The following CD47 variants were observed in gnomAD, a reference collection of about 807,000 sequenced individuals.
The protein encoded by CD47 is CD47 molecule.
Under a neutral mutation model 44.6 loss-of-function variants are expected in CD47, and 11 were observed. That is an observed-to-expected ratio of 0.25 (90% confidence interval 0.16 to 0.41). The LOEUF (loss-of-function observed/expected upper bound fraction) is 0.41. Among genes scored for constraint, CD47 ranks in the 10% least tolerant of loss-of-function variants. The probability of loss-of-function intolerance (pLI) is 1.00; values close to 1 mark genes in which losing one functional copy is unlikely to be tolerated. For synonymous variants in CD47, 140 were observed against 136.3 expected (o/e 1.03, Z -0.19); for missense variants, 306 against 386.7 (o/e 0.79, Z 1.75).
intron 2 of CD47, among the ~76,000 whole-genome samples, chr3:108,077,773 G>A (rs1222452100): frequency 6.6e-6 from 1 of 152,000 alleles, no homozygotes; most frequent in Non-Finnish European, 1.5e-5. Flanking sequence ...AGATCTCAAG[G>A]GCATTGTGCT....
intron 3 of CD47, among the ~76,000 whole-genome samples, chr3:108,065,204 CT>C (rs1253648280): frequency 1.3e-5 from 2 of 152,182 alleles, no homozygotes; most frequent in Non-Finnish European, 2.9e-5. Flanking sequence ...AGAGTCCAGG[CT>C]TTGTGCATCA....
At chr3:108,079,496 C>T (rs71321251) in intron 2 of CD47, among the ~76,000 whole-genome samples, 245 of 148,546 alleles carry the variant, frequency 1.6e-3, no homozygotes, top group Admixed American at 4.6e-3. Context: ...GATTTAATCT[C>T]CTGACTCTCC....
rs1056927070 is a variant in CD47 at position 108,046,492 on chromosome 3, T to C, written c.*796A>G. The C allele has an allele frequency of 3.3e-5, 5 of 152,678 alleles. No homozygotes were observed. The highest frequency in any genetic ancestry group is 4.1e-4 in the South Asian group (2 of 4,828). The allele number at this position is 152,678 out of a possible 1,614,324, so 9.5% of individuals were successfully genotyped here. ...CCTGCAACTGGTGCTACCGTGTCAC[T>C]AGACCATGTTCAAAGAGGAGAAAAG... is the stretch of plus-strand genomic sequence containing the variant. On this transcript the variant is annotated 3_prime_UTR_variant, in exon 11 of 11. Transcript: ENST00000361309.
At chr3:108,062,173 T>C (rs1206038444) in intron 3 of CD47, among the ~76,000 whole-genome samples, 1 of 152,162 alleles carries the variant, frequency 6.6e-6, no homozygotes. Context: ...GAAAACATCC[T>C]ATGGCAAGTT....
intron 10 of CD47, among the ~76,000 whole-genome samples, chr3:108,048,653 G>C (rs2078765807): frequency 6.6e-6 from 1 of 151,874 alleles, no homozygotes; most frequent in Non-Finnish European, 1.5e-5. Context: ...CAAAGTGCTG[G>C]GATTACAGGC....
chr3:108,077,121 A>G (rs906611305), intron 2 of CD47, among the ~76,000 whole-genome samples: 2 of 152,142 alleles, frequency 1.3e-5, no homozygotes, highest in African/African-American at 4.8e-5. Context: ...AATGGTCACT[A>G]TTATCTGCAT....
At chr3:108,082,252 TTGAC>T (rs1324165437) in intron 1 of CD47, among the ~76,000 whole-genome samples, 2 of 151,976 alleles carry the variant, frequency 1.3e-5, no homozygotes, top group African/African-American at 4.8e-5. Context: ...TTCACTGACT[TTGAC>T]TGGGCTGTTT....
At chr3:108,057,088 G>A (rs2078924784) in intron 7 of CD47, among the ~76,000 whole-genome samples, 1 of 152,058 alleles carries the variant, frequency 6.6e-6, no homozygotes, top group African/African-American at 2.4e-5. Context: ...CAGAAACACT[G>A]GAACAATTAA....
At position 108,090,928 on chromosome 3, in the gene CD47, T is replaced by TCGCCGC. The variant is rs777402280; in HGVS notation, c.-26_-21dup. 4.1e-6 allele frequency: 6 copies of TCGCCGC among 1,446,148 alleles called. No homozygotes were observed. The highest frequency in any genetic ancestry group is 4.6e-5 in the Admixed American group (2 of 43,280). 89.6% of individuals were successfully genotyped at this position (1,446,148 alleles called of 1,614,324 possible). A position where few individuals can be genotyped will look rare whatever the true frequency, so the allele number is the denominator to read the frequency against. On this transcript the variant is annotated 5_prime_UTR_variant, in exon 1 of 11. Coordinates refer to ENST00000361309, the MANE Select transcript of CD47 (RefSeq NM_001777.4). ...CCACATCTCCGCGCCCGCCGCGGGG[T>TCGCCGC]CGCCGCCGCCGCCGCAGGTGTCCGG...
intron 1 of CD47, among the ~76,000 whole-genome samples, chr3:108,082,861 G>T (rs1267745607): frequency 6.6e-6 from 1 of 151,872 alleles, no homozygotes; most frequent in East Asian, 1.9e-4. Context: ...AAATTGACCT[G>T]GATAAACCAC....
chr3:108,061,715 T>C (rs1412372711), intron 3 of CD47, among the ~76,000 whole-genome samples: 3 of 152,210 alleles, frequency 2.0e-5, no homozygotes, highest in African/African-American at 7.2e-5. Flanking sequence ...GTTGATTTTT[T>C]CACCAAGGAA....
Position 108,048,376 on chromosome 3 carries a change from T to G in CD47, c.968-1084A>C, listed in dbSNP as rs984373102. ...CACCAATGCATGACTGGAGTGTTTT[T>G]TTTTTTTTTTTTTTTTTTTTTTTCT... On this transcript the variant is annotated intron_variant, in intron 10 of 10. Coordinates refer to ENST00000361309, the MANE Select transcript of CD47 (RefSeq NM_001777.4). 1.4e-4 allele frequency among the ~76,000 whole-genome samples: 13 copies of G among 95,220 alleles called. No individual in the cohort carries two copies. The East Asian group carries it at 2.7e-3, about 20-fold the overall frequency. 62.5% of individuals were successfully genotyped at this position (95,220 alleles called of 152,430 possible). A position where few individuals can be genotyped will look rare whatever the true frequency, so the allele number is the denominator to read the frequency against.
chr3:108,058,251 TTA>T (rs2078949350), intron 6 of CD47, 84 bp downstream of exon 6: 2 of 787,942 alleles, frequency 2.5e-6, no homozygotes, highest in Non-Finnish European at 3.8e-6. Context: ...CTATATATTT[TTA>T]AAAAGAGAGA....
chr3:108,077,555 A>G (rs2079332075), intron 2 of CD47, among the ~76,000 whole-genome samples: 1 of 152,170 alleles, frequency 6.6e-6, no homozygotes, highest in Admixed American at 6.5e-5. Context: ...CATTTATCCC[A>G]GAGAAATGAA....
At chr3:108,065,811 C>CA (rs58021560) in intron 3 of CD47, among the ~76,000 whole-genome samples, 2,849 of 61,200 alleles carry the variant, frequency 0.047, 473 homozygotes, top group Non-Finnish European at 0.062. Flanking sequence ...GACTCCGTCT[C>CA]AAAAAAAAAA....
In CD47 at chr3:108,090,849, G is replaced by T. The variant is rs974958790; in HGVS notation, c.46+14C>A. The T allele has an allele frequency of 6.7e-6, 10 of 1,486,516 alleles. No homozygotes were observed. Among genetic ancestry groups the T allele is most frequent in the Admixed American group, 2.2e-5 (1 of 46,320 alleles). The allele number at this position is 1,486,516 out of a possible 1,614,324, so 92.1% of individuals were successfully genotyped here. A position where few individuals can be genotyped will look rare whatever the true frequency, so the allele number is the denominator to read the frequency against. On this transcript the variant is annotated intron_variant, in intron 1 of 10. Transcript: ENST00000361309. ...CGACAGCAGCCGCAGGGCTGGGAGC[G>T]AGGAGCCACTCACCGCAGCACGCCG... is the stretch of plus-strand genomic sequence containing the variant.
intron 8 of CD47, among the ~76,000 whole-genome samples, chr3:108,051,563 TCTC>T (rs1278588484): frequency 1.3e-5 from 2 of 152,218 alleles, no homozygotes; most frequent in Admixed American, 6.5e-5. Flanking sequence ...AGTATAGATT[TCTC>T]CTCATTTTTA....
chr3:108,049,707 A>G, intron 9 of CD47, 56 bp from the exon 10 acceptor site: 1 of 1,276,704 alleles, frequency 7.8e-7, no homozygotes, highest in Non-Finnish European at 1.1e-6. Flanking sequence ...ATTGGAAATC[A>G]TTTCTAAATA....
intron 4 of CD47, among the ~76,000 whole-genome samples, chr3:108,060,479 T>C (rs2078990553): frequency 6.6e-6 from 1 of 152,150 alleles, no homozygotes; most frequent in African/African-American, 2.4e-5. Flanking sequence ...TAAGGAATGA[T>C]AAACACTGTC....
Sources: gnomAD v4.1 joint callset for allele counts (sites outside exome capture counted in the v4.1 genomes callset) on GRCh38, gnomAD v4.1.1 for gene constraint, MANE v1.5 for transcripts, NCBI Gene and HGNC (gene_info 2026-07-23, HGNC 2026-07-21) for gene names.